EMILIN2: variants seen among roughly 807,000 people sequenced by gnomAD.
EMILIN2 encodes the protein EMILIN-2.
A neutral mutation model predicts 87.1 loss-of-function variants in EMILIN2; 71 were observed. That is an observed-to-expected ratio of 0.82 (90% CI 0.67 to 0.99). The LOEUF is 0.99. Among genes scored for constraint, EMILIN2 ranks in the 50% least tolerant of loss-of-function variants. The pLI is 0.00. For missense variants in EMILIN2, 1,407 were observed against 1,371.8 expected, an observed-to-expected ratio of 1.03 and a Z score of -0.40; for synonymous variants, 581 against 563.4, an observed-to-expected ratio of 1.03 and a Z score of -0.44.
rs559136331 is a variant in EMILIN2, at chr18:2,848,091, G to T, written c.257+160G>T. Among the ~76,000 whole-genome samples, 2 of 152,316 alleles carry T rather than the reference G, an allele frequency of 1.3e-5. No homozygotes were observed. Among genetic ancestry groups the T allele is most frequent in the African/African-American group, 2.4e-5 (1 of 41,576 alleles). ...GCGCTCCGAGCGCTCGCGGGGCACCGGCCACGCTGGGCTATTTAGGGAGTG... is the reference window on the plus strand; with the variant it reads ...GCGCTCCGAGCGCTCGCGGGGCACCTGCCACGCTGGGCTATTTAGGGAGTG... On this transcript the variant is annotated intron_variant, in intron 2 of 7. Transcript: ENST00000254528. This position sits in a 1 kb window ranked among gnomAD's most constrained non-coding sequence, Gnocchi z 4.1.
Position 2,891,684 on chromosome 18 carries a change from A to G in EMILIN2, c.1557A>G (p.Pro519=). 1 of 1,614,134 alleles carries G rather than the reference A, an allele frequency of 6.2e-7. No individual in the cohort carries two copies. Among genetic ancestry groups the G allele is most frequent in the Non-Finnish European group, 8.5e-7 (1 of 1,180,024 alleles). ...ACACTGGTGCAGAGCTCAGTCCCCCAGGGGCAGCAGCCCTGCCAGGAGTGT... is the reference window on the plus strand; with the variant it reads ...ACACTGGTGCAGAGCTCAGTCCCCCGGGGGCAGCAGCCCTGCCAGGAGTGT... The part of the protein sequence containing the change: ...TNNTGAELSP[P]GAAALPGVSG... Residue 519 remains proline, a synonymous_variant, in exon 4 of 8, where the codon CCA becomes CCG. Coordinates refer to ENST00000254528, the MANE Select transcript of EMILIN2 (RefSeq NM_032048.3). This position sits in a 1 kb window ranked among gnomAD's most constrained non-coding sequence, Gnocchi z 4.6.
chr18:2,871,177 G>A (rs984971816), intron 2 of EMILIN2, among the ~76,000 whole-genome samples: 2 of 152,258 alleles, frequency 1.3e-5, no homozygotes, highest in Non-Finnish European at 2.9e-5. Context: ...TGGGAGTGTG[G>A]GCTTTCTTAT....
intron 2 of EMILIN2, among the ~76,000 whole-genome samples, chr18:2,867,928 C>T (rs1441609717): frequency 5.4e-5 from 8 of 149,330 alleles, no homozygotes; most frequent in Admixed American, 6.6e-5. Flanking sequence ...TAGGGGCGGC[C>T]GGGCAGAGGC....
chr18:2,863,074 T>C (rs1047312412), intron 2 of EMILIN2, among the ~76,000 whole-genome samples: 14 of 152,208 alleles, frequency 9.2e-5, no homozygotes, highest in African/African-American at 3.1e-4. Context: ...GATATCCCCT[T>C]TATCATTTTC....
intron 4 of EMILIN2, among the ~76,000 whole-genome samples, chr18:2,896,279 G>C (rs8098364): frequency 1.3e-5 from 2 of 151,752 alleles, no homozygotes; most frequent in East Asian, 1.9e-4. Context: ...GGGTTCAAGC[G>C]ATTCTCCTGC....
At chr18:2,882,082 C>A (rs140019234) in intron 2 of EMILIN2, among the ~76,000 whole-genome samples, 1 of 152,292 alleles carries the variant, frequency 6.6e-6, no homozygotes, top group African/African-American at 2.4e-5. Flanking sequence ...ACGGCCCTGC[C>A]CCTTCCGGGC....
Position 2,891,618 on chromosome 18 carries a change from G to A in EMILIN2, c.1491G>A (p.Leu497=). 6.2e-7 allele frequency: 1 copy of A among 1,614,048 alleles called. No individual in the cohort carries two copies. The highest frequency in any genetic ancestry group is 1.1e-5 in the South Asian group (1 of 91,082). Residue 497 remains leucine (L), a synonymous_variant, in exon 4 of 8, where the codon CTG becomes CTA. Transcript: ENST00000254528. The surrounding 1 kb of genome is among the most constrained non-coding windows in gnomAD (Gnocchi z 4.6). ...KQLVDQKIQS[L]EDRLGSVLLQ... The stretch of plus-strand genomic sequence containing the variant: ...TTGTTGATCAGAAAATACAGTCTCT[G>A]GAAGACCGTCTGGGGAGCGTTCTCC...
In EMILIN2 at chr18:2,885,558, G is replaced by A. The variant is rs145866859; in HGVS notation, c.433+419G>A. 2.3e-3 allele frequency among the ~76,000 whole-genome samples: 356 copies of A among 152,036 alleles called. 1 individual carries two copies. The highest frequency in any genetic ancestry group is 9.4e-3 in the South Asian group (45 of 4,808). On this transcript the variant is annotated intron_variant, in intron 3 of 7. Coordinates refer to ENST00000254528, the MANE Select transcript of EMILIN2 (RefSeq NM_032048.3). Reference sequence around the variant, plus strand: ...TTTTGAGATGGAGTCTCGCTCTGTCGCCCAGGCTGGAGTGCAGTGGCGCAA... The same window carrying A: ...TTTTGAGATGGAGTCTCGCTCTGTCACCCAGGCTGGAGTGCAGTGGCGCAA...
At chr18:2,882,112 C>T (rs538075137) in intron 2 of EMILIN2, among the ~76,000 whole-genome samples, 31 of 152,302 alleles carry the variant, frequency 2.0e-4, no homozygotes, top group Non-Finnish European at 4.1e-4. Context: ...TTGGATAAGT[C>T]GCTTAACCCC....
chr18:2,898,632 G>A (rs957030783), intron 4 of EMILIN2, among the ~76,000 whole-genome samples: 1 of 152,192 alleles, frequency 6.6e-6, no homozygotes, highest in Non-Finnish European at 1.5e-5. Flanking sequence ...ATGTCTCTGA[G>A]TAATTTTCAT....
At chr18:2,846,949 G>A (rs1037096888), upstream of EMILIN2, 4 of 996,332 alleles carry the variant, frequency 4.0e-6, no homozygotes, top group African/African-American at 5.2e-5. The surrounding 1 kb of genome is among the most constrained non-coding windows in gnomAD (Gnocchi z 5.3). Context: ...GGCGGCACCC[G>A]GGGGGACCTG....
chr18:2,889,638 C>G (rs537342654), intron 3 of EMILIN2, among the ~76,000 whole-genome samples: 1 of 149,354 alleles, frequency 6.7e-6, no homozygotes, highest in South Asian at 2.1e-4. Context: ...GGTGTTTTCT[C>G]AAAATAAGAT....
At chr18:2,875,946 G>A (rs1363709459) in intron 2 of EMILIN2, among the ~76,000 whole-genome samples, 2 of 151,704 alleles carry the variant, frequency 1.3e-5, no homozygotes, top group African/African-American at 2.4e-5. Context: ...ATATGATCAG[G>A]GCAAAAATAC....
intron 3 of EMILIN2, among the ~76,000 whole-genome samples, chr18:2,889,298 T>C (rs1287202068): frequency 1.3e-5 from 2 of 151,848 alleles, no homozygotes; most frequent in Non-Finnish European, 2.9e-5. Context: ...CCACCACACC[T>C]GGCTGATTTT....
At position 2,913,283 on chromosome 18, in the gene EMILIN2, T is replaced by G. The variant is rs780242169; in HGVS notation, c.3041T>G (p.Leu1014Arg). 2.5e-6 allele frequency: 4 copies of G among 1,613,370 alleles called. No homozygotes were observed. The highest frequency in any genetic ancestry group is 3.4e-6 in the Non-Finnish European group (4 of 1,179,470). Residue 1014 changes from leucine to arginine, a missense_variant, in exon 8 of 8, where the codon CTG becomes CGG. Coordinates refer to ENST00000254528, the MANE Select transcript of EMILIN2 (RefSeq NM_032048.3). ...GPGAFHLIVH[L>R]KAGDAVNVVV... ...GGGGCATTCCACCTCATCGTGCACC[T>G]GAAGGCGGGAGATGCAGTCAACGTC...
intron 2 of EMILIN2, among the ~76,000 whole-genome samples, chr18:2,852,761 C>T (rs1320244499): frequency 1.3e-5 from 2 of 152,182 alleles, no homozygotes; most frequent in African/African-American, 2.4e-5. Context: ...TCAAGTGACC[C>T]GCCTGCCTCG....
intron 4 of EMILIN2, among the ~76,000 whole-genome samples, chr18:2,896,554 G>A (rs187725731): frequency 2.0e-5 from 3 of 152,288 alleles, no homozygotes; most frequent in Admixed American, 1.3e-4. Context: ...GCTAACTGCA[G>A]CCTCAACTTT....
At chr18:2,901,891 G>A (rs566563611) in intron 4 of EMILIN2, among the ~76,000 whole-genome samples, 16 of 152,304 alleles carry the variant, frequency 1.1e-4, no homozygotes, top group South Asian at 8.3e-4. Flanking sequence ...GTGAGACGTC[G>A]CTTTTTCATG....
intron 2 of EMILIN2, among the ~76,000 whole-genome samples, chr18:2,877,788 AAAAAG>A (rs2076757012): frequency 6.6e-6 from 1 of 151,898 alleles, no homozygotes; most frequent in Admixed American, 6.5e-5. Flanking sequence ...AAAAAAAAAA[AAAAAG>A]AAAGAAAACC....
Sources: allele counts gnomAD v4.1 joint callset (sites outside exome capture counted in the v4.1 genomes callset), GRCh38; gene constraint gnomAD v4.1.1; non-coding constraint Gnocchi (gnomAD v3.1); transcripts MANE v1.5; gene names NCBI Gene and HGNC (gene_info 2026-07-23, HGNC 2026-07-21).